The following PPP4R4 variants were observed in gnomAD, a reference collection of about 807,000 sequenced individuals.
PPP4R4 encodes protein phosphatase 4 regulatory subunit 4, also known as serine/threonine-protein phosphatase 4 regulatory subunit 4.
Under a neutral mutation model 121.8 loss-of-function variants are expected in PPP4R4, and 70 were observed. That is an observed-to-expected ratio of 0.57 (90% CI 0.47 to 0.70). PPP4R4 has a LOEUF of 0.70. Among genes scored for constraint, PPP4R4 ranks in the 30% least tolerant of loss-of-function variants. The pLI is 0.00. For missense variants in PPP4R4, 875 were observed against 1,033.6 expected (o/e 0.85, Z 2.10); for synonymous variants, 348 against 355.7 (o/e 0.98, Z 0.24).
chr14:94,279,428 T>C lies in PPP4R4; in HGVS notation c.*785T>C, dbSNP rs943920242. ...ATTCCAAGCTATCATGCTTAAGCTATGTCAACAGCATTTATTTGTACTAAT... is the reference window on the plus strand; with the variant it reads ...ATTCCAAGCTATCATGCTTAAGCTACGTCAACAGCATTTATTTGTACTAAT... On this transcript the variant is annotated 3_prime_UTR_variant, in exon 25 of 25. Coordinates refer to ENST00000304338, the MANE Select transcript of PPP4R4 (RefSeq NM_058237.2). 6.6e-6 allele frequency: 1 copy of C among 152,654 alleles called. No homozygotes were observed. The highest frequency in any genetic ancestry group is 6.5e-5 in the Admixed American group (1 of 15,290). 9.5% of individuals were successfully genotyped at this position (152,654 alleles called of 1,614,324 possible).
intron 3 of PPP4R4, among the ~76,000 whole-genome samples, chr14:94,230,050 T>A (rs1275665880): frequency 2.6e-5 from 4 of 152,174 alleles, no homozygotes; most frequent in Non-Finnish European, 5.9e-5. Context: ...TCTTAAGAAA[T>A]TTTCTTTTGA....
At position 94,233,745 on chromosome 14, in the gene PPP4R4, A is replaced by G. The variant is rs968347940; in HGVS notation, c.609A>G (p.Lys203=). Residue 203 remains lysine, a synonymous_variant, in exon 6 of 25, where the codon AAA becomes AAG. Transcript: ENST00000304338. ...AAATTTTAGGAAAATTGACCAACAA[A>G]TTTGATGCCCACACGTGAGTATTTG... ...SCKILGKLTN[K]FDAHTIKREI... The G allele has an allele frequency of 1.9e-6, 3 of 1,569,068 alleles. No individual in the cohort carries two copies. Among genetic ancestry groups the G allele is most frequent in the African/African-American group, 2.7e-5 (2 of 73,984 alleles).
intron 2 of PPP4R4, among the ~76,000 whole-genome samples, chr14:94,197,102 G>A (rs1340155068): frequency 1.3e-5 from 2 of 151,882 alleles, no homozygotes; most frequent in African/African-American, 4.8e-5. Context: ...GAGGTTTCTC[G>A]GTTCTGTTTC....
intron 3 of PPP4R4, among the ~76,000 whole-genome samples, chr14:94,215,206 A>T (rs1168392880): frequency 6.6e-6 from 1 of 152,134 alleles, no homozygotes; most frequent in African/African-American, 2.4e-5. Context: ...ATGTATTTAT[A>T]CTCATTTTAC....
chr14:94,181,716 T>A (rs1889004663), intron 2 of PPP4R4, among the ~76,000 whole-genome samples: 1 of 152,228 alleles, frequency 6.6e-6, no homozygotes, highest in Admixed American at 6.5e-5. Flanking sequence ...ACTTGTGTTT[T>A]AAAAGTTTTG....
intron 3 of PPP4R4, among the ~76,000 whole-genome samples, chr14:94,229,174 G>A (rs1271494687): frequency 6.6e-6 from 1 of 152,160 alleles, no homozygotes; most frequent in Non-Finnish European, 1.5e-5. Context: ...GGATAGTAGA[G>A]GAACAGTGAT....
intron 2 of PPP4R4, among the ~76,000 whole-genome samples, chr14:94,204,283 T>C (rs1447630363): frequency 2.0e-5 from 3 of 152,090 alleles, no homozygotes; most frequent in Non-Finnish European, 4.4e-5. Flanking sequence ...TTTTTGTTTT[T>C]AATTTTAAAC....
intron 3 of PPP4R4, among the ~76,000 whole-genome samples, chr14:94,209,319 T>G (rs976588324): frequency 1.3e-5 from 2 of 152,052 alleles, no homozygotes; most frequent in African/African-American, 4.8e-5. Context: ...TAATAGAGGT[T>G]GGTAGATTTT....
chr14:94,240,825 G>C, intron 9 of PPP4R4, 30 bp downstream of exon 9: 1 of 1,464,590 alleles, frequency 6.8e-7, no homozygotes, highest in Non-Finnish European at 9.0e-7. Context: ...TTTTGAGACT[G>C]TAGATAATTT....
At chr14:94,214,717 A>G (rs747699400) in intron 3 of PPP4R4, among the ~76,000 whole-genome samples, 6 of 152,174 alleles carry the variant, frequency 3.9e-5, no homozygotes, top group African/African-American at 7.2e-5. Context: ...TCCTATTTCA[A>G]GTAGCATAGT....
At chr14:94,209,136 TTAAA>T (rs1890612012) in intron 3 of PPP4R4, among the ~76,000 whole-genome samples, 1 of 151,916 alleles carries the variant, frequency 6.6e-6, no homozygotes, top group Non-Finnish European at 1.5e-5. Context: ...TAATATAAAA[TTAAA>T]TAATTTCAAC....
chr14:94,233,651 A>G lies in PPP4R4; in HGVS notation c.517-2A>G. 6.4e-7 allele frequency: 1 copy of G among 1,557,672 alleles called. No homozygotes were observed. Among genetic ancestry groups the G allele is most frequent in the Non-Finnish European group, 8.8e-7 (1 of 1,137,736 alleles). ...ATTTTTTTCTCTAAATTTTCTCTTT[A>G]GATTTTGAATCCACTTGTTTCCAAG... On this transcript the variant is annotated splice_acceptor_variant, in intron 5 of 24. Transcript: ENST00000304338. LOFTEE classifies it high-confidence loss of function.
chr14:94,221,349 A>C (rs1891378495), intron 3 of PPP4R4, among the ~76,000 whole-genome samples: 1 of 152,168 alleles, frequency 6.6e-6, no homozygotes, highest in African/African-American at 2.4e-5. Context: ...CATGATCCTT[A>C]GAAGAAAAAT....
chr14:94,234,653 A>G lies in PPP4R4; in HGVS notation c.715A>G (p.Ile239Val). ...TTGTATGTGTCGGCAATTAGAAAATATAGCCCAGGGCATTGGGTAGGTATA... is the reference window on the plus strand; with the variant it reads ...TTGTATGTGTCGGCAATTAGAAAATGTAGCCCAGGGCATTGGGTAGGTATA... ...RSCMCRQLEN[I>V]AQGIGTELTK... is the part of the protein sequence containing the mutation. The change falls in exon 7 of 25, where the codon ATA becomes GTA. Residue 239 changes from isoleucine (I) to valine (V), a missense_variant. Coordinates refer to ENST00000304338, the MANE Select transcript of PPP4R4 (RefSeq NM_058237.2). 1 of 1,590,678 alleles carries G rather than the reference A, an allele frequency of 6.3e-7. No homozygotes were observed. The highest frequency in any genetic ancestry group is 8.6e-7 in the Non-Finnish European group (1 of 1,159,070).
chr14:94,253,875 C>T (rs1383450035), intron 16 of PPP4R4, among the ~76,000 whole-genome samples: 7 of 152,176 alleles, frequency 4.6e-5, no homozygotes, highest in Non-Finnish European at 8.8e-5. Flanking sequence ...TATAAAAGCC[C>T]TTGCTCAGTG....
intron 23 of PPP4R4, among the ~76,000 whole-genome samples, chr14:94,269,619 T>A (rs1450271074): frequency 6.6e-6 from 1 of 150,964 alleles, no homozygotes; most frequent in African/African-American, 2.4e-5. Flanking sequence ...AGGCAGAGCT[T>A]GCAGTGAGCC....
intron 16 of PPP4R4, among the ~76,000 whole-genome samples, chr14:94,252,411 A>C (rs904323179): frequency 2.0e-5 from 3 of 152,174 alleles, no homozygotes; most frequent in Non-Finnish European, 4.4e-5. Flanking sequence ...GTTGGAAGGA[A>C]CAGACCTGAA....
rs144344963 is a variant in PPP4R4, at chr14:94,251,871, A to G, written c.1840A>G (p.Thr614Ala). Residue 614 changes from threonine (T) to alanine (A), a missense_variant, in exon 16 of 25, where the codon ACA becomes GCA. Coordinates refer to ENST00000304338, the MANE Select transcript of PPP4R4 (RefSeq NM_058237.2). Reference protein sequence around the residue: ...KYFFLPAIELTHDPVANVRMK... With the variant: ...KYFFLPAIELAHDPVANVRMK... ...TTTCTTTCTACCTGCTATTGAACTGACACATGATCCAGTAGCAAATGTGAG... is the reference window on the plus strand; with the variant it reads ...TTTCTTTCTACCTGCTATTGAACTGGCACATGATCCAGTAGCAAATGTGAG... 2.7e-5 allele frequency: 43 copies of G among 1,589,538 alleles called. No homozygotes were observed. Among genetic ancestry groups the G allele is most frequent in the Non-Finnish European group, 3.4e-5 (40 of 1,167,052 alleles).
chr14:94,227,952 G>A (rs1891808383), intron 3 of PPP4R4: 2 of 870,224 alleles, frequency 2.3e-6, no homozygotes, highest in African/African-American at 1.8e-5. Flanking sequence ...CTAAAACAAA[G>A]GGGTATGGGA....
Sources: gnomAD v4.1 joint callset for allele counts (sites outside exome capture counted in the v4.1 genomes callset) on GRCh38, gnomAD v4.1.1 for gene constraint, MANE v1.5 for transcripts, NCBI Gene and HGNC (gene_info 2026-07-23, HGNC 2026-07-21) for gene names.